Variants in AOPEP observed in about 807,000 individuals in gnomAD.
AOPEP encodes aminopeptidase O (putative).
A neutral mutation model predicts 98.1 loss-of-function variants in AOPEP; 77 were observed. That is an observed-to-expected ratio of 0.78 (90% CI 0.65 to 0.95). The LOEUF is 0.95. Among genes scored for constraint, AOPEP ranks in the 40% least tolerant of loss-of-function variants. AOPEP has a pLI of 0.00. For missense variants in AOPEP, 1,024 were observed against 1,024.7 expected (o/e 1.00, Z 0.01); for synonymous variants, 346 against 365.3 (o/e 0.95, Z 0.60).
At chr9:95,140,645 C>T in the AOPEP span, among the ~76,000 whole-genome samples, 1 of 152,152 alleles carries the variant, frequency 6.6e-6, no homozygotes, top group Non-Finnish European at 1.5e-5. Flanking sequence ...CAACAGTCCA[C>T]CTTTTCAAAC....
At chr9:94,729,841 T>C (rs954358171) in intron 1 of AOPEP, among the ~76,000 whole-genome samples, 14 of 152,008 alleles carry the variant, frequency 9.2e-5, no homozygotes, top group Non-Finnish European at 1.5e-4. Context: ...AGCAGATGGA[T>C]TGGAGAAAAT....
At chr9:95,135,224 TTA>T in the AOPEP span, 1 of 958,444 alleles carries the variant, frequency 1.0e-6, no homozygotes, top group Non-Finnish European at 1.7e-6. Flanking sequence ...AAATACACGA[TTA>T]TATATAAAGG....
At chr9:94,821,654 C>T (rs915149022) in intron 5 of AOPEP, among the ~76,000 whole-genome samples, 1 of 152,114 alleles carries the variant, frequency 6.6e-6, no homozygotes, top group African/African-American at 2.4e-5. Flanking sequence ...GTTGAACATC[C>T]GTATGCCCCT....
At chr9:94,914,412 T>G (rs1168079097) in intron 5 of AOPEP, among the ~76,000 whole-genome samples, 2 of 152,224 alleles carry the variant, frequency 1.3e-5, no homozygotes, top group Admixed American at 1.3e-4. Context: ...CTTCTCGGAT[T>G]TCACCAGGAT....
In AOPEP at chr9:95,080,785, G is replaced by A; in HGVS notation, c.2319+5G>A. The A allele has an allele frequency of 6.2e-7, 1 of 1,608,662 alleles. No individual in the cohort carries two copies. Among genetic ancestry groups the A allele is most frequent in the Non-Finnish European group, 8.5e-7 (1 of 1,174,996 alleles). ...AGGTTCCTTCAGGAGGATCAGGTAG[G>A]TGTCATCTTTCAGCAGATGGGGATT... On this transcript the variant is annotated splice_donor_5th_base_variant and intron_variant, in intron 15 of 16. Coordinates refer to ENST00000375315, the MANE Select transcript of AOPEP (RefSeq NM_001193329.3).
chr9:95,098,735 G>A, the AOPEP span, among the ~76,000 whole-genome samples: 1 of 152,210 alleles, frequency 6.6e-6, no homozygotes, highest in African/African-American at 2.4e-5. Flanking sequence ...CAGCTTCAGG[G>A]ATCAGGGAAG....
chr9:94,829,191 A>G (rs886769539), intron 5 of AOPEP, among the ~76,000 whole-genome samples: 3 of 151,926 alleles, frequency 2.0e-5, no homozygotes, highest in Admixed American at 6.6e-5. Context: ...GATATAAACC[A>G]GTTTACACAC....
chr9:95,102,867 C>T, the AOPEP span, among the ~76,000 whole-genome samples: 1 of 152,236 alleles, frequency 6.6e-6, no homozygotes, highest in Non-Finnish European at 1.5e-5. Context: ...GTTCGCTCTC[C>T]TCGGCCCCCC....
At chr9:94,818,164 G>A (rs1373379033) in intron 5 of AOPEP, among the ~76,000 whole-genome samples, 2 of 152,162 alleles carry the variant, frequency 1.3e-5, no homozygotes, top group African/African-American at 4.8e-5. Flanking sequence ...CTGGTAAGGT[G>A]CCATAGACCA....
intron 2 of AOPEP, among the ~76,000 whole-genome samples, chr9:94,768,105 G>A (rs1229816056): frequency 1.3e-5 from 2 of 152,158 alleles, no homozygotes; most frequent in African/African-American, 4.8e-5. Context: ...ATTGGAGGAG[G>A]CCTGAAGACC....
intron 14 of AOPEP, among the ~76,000 whole-genome samples, chr9:95,067,403 A>G (rs1212025673): frequency 6.6e-6 from 1 of 152,210 alleles, no homozygotes. Flanking sequence ...TAGGCTGTTC[A>G]GTCTCTGCAT....
At chr9:95,102,832 T>C in the AOPEP span, among the ~76,000 whole-genome samples, 1 of 152,176 alleles carries the variant, frequency 6.6e-6, no homozygotes, top group Non-Finnish European at 1.5e-5. Context: ...GAGCTAAGAG[T>C]AAACGACGTG....
chr9:95,129,126 C>T, the AOPEP span, among the ~76,000 whole-genome samples: 1 of 152,092 alleles, frequency 6.6e-6, no homozygotes, highest in Non-Finnish European at 1.5e-5. Flanking sequence ...TGGTCTCGAT[C>T]TCCTGACCTC....
chr9:95,106,703 C>A, the AOPEP span, among the ~76,000 whole-genome samples: 2 of 152,162 alleles, frequency 1.3e-5, no homozygotes, highest in African/African-American at 4.8e-5. Flanking sequence ...GCTTTGCGAG[C>A]CCATTCTCAT....
chr9:94,764,577 G>C (rs1463878758), intron 2 of AOPEP, among the ~76,000 whole-genome samples: 1 of 152,194 alleles, frequency 6.6e-6, no homozygotes, highest in Non-Finnish European at 1.5e-5. Context: ...GAGCCCAGAA[G>C]GTCAAGGCTG....
the AOPEP span, among the ~76,000 whole-genome samples, chr9:95,113,288 C>T: frequency 6.6e-6 from 1 of 152,188 alleles, no homozygotes; most frequent in Non-Finnish European, 1.5e-5. Flanking sequence ...TTGTCTGTGT[C>T]AACTCGGTGT....
At chr9:95,055,767 T>G (rs1190567078) in intron 13 of AOPEP, among the ~76,000 whole-genome samples, 2 of 152,124 alleles carry the variant, frequency 1.3e-5, no homozygotes, top group Non-Finnish European at 2.9e-5. Flanking sequence ...AGAAAACTGG[T>G]TTCTATTGTG....
chr9:94,847,792 T>C (rs1312182601), intron 5 of AOPEP, among the ~76,000 whole-genome samples: 3 of 152,210 alleles, frequency 2.0e-5, no homozygotes, highest in South Asian at 2.1e-4. Context: ...ACTGTTGATA[T>C]CTTTTAACAG....
chr9:94,900,628 T>C (rs1343074529), intron 5 of AOPEP, among the ~76,000 whole-genome samples: 1 of 152,246 alleles, frequency 6.6e-6, no homozygotes, highest in East Asian at 1.9e-4. Flanking sequence ...GTAGAAGATT[T>C]CATGGGAAAC....
Sources: gnomAD v4.1 joint callset for allele counts (sites outside exome capture counted in the v4.1 genomes callset) on GRCh38, gnomAD v4.1.1 for gene constraint, MANE v1.5 for transcripts, NCBI Gene and HGNC (gene_info 2026-07-23, HGNC 2026-07-21) for gene names.